COQ8A: variants seen among roughly 807,000 people sequenced by gnomAD.
COQ8A encodes coenzyme Q8A.
Under a neutral mutation model 65.0 loss-of-function variants are expected in COQ8A, and 51 were observed. The ratio of observed to expected loss-of-function variants is 0.78; its 90% confidence interval spans 0.63 to 0.99. The LOEUF (loss-of-function observed/expected upper bound fraction) is 0.99, where lower values mean the gene tolerates loss of function less well. Ranked by LOEUF, COQ8A falls within the 50% of genes least tolerant of loss-of-function variation. The pLI, the probability that COQ8A is intolerant of heterozygous loss-of-function variation, is 0.00. For missense variants in COQ8A, 940 were observed against 875.0 expected (o/e 1.07, Z -0.94); for synonymous variants, 371 against 353.2 (o/e 1.05, Z -0.57).
chr1:226,946,309 A>G lies in COQ8A; in HGVS notation c.-10+5910A>G, dbSNP rs1361416948. The stretch of plus-strand genomic sequence containing the variant: ...TGCCTATGGAGGGGTTTACCAGTCC[A>G]GCAGGGTGGCCAAGATTCCAGCAGG... On this transcript the variant is annotated intron_variant, in intron 1 of 14. Transcript: ENST00000366777. The surrounding 1 kb of genome is among the most constrained non-coding windows in gnomAD (Gnocchi z 5.3). Among the ~76,000 whole-genome samples the G allele has an allele frequency of 1.3e-5, 2 of 152,226 alleles. No individual in the cohort carries two copies. The highest frequency in any genetic ancestry group is 1.3e-4 in the Admixed American group (2 of 15,288).
At chr1:226,960,463 TTGG>T (rs1334339638) in intron 1 of COQ8A, among the ~76,000 whole-genome samples, 1,339 of 22,436 alleles carry the variant, frequency 0.06, 46 homozygotes, top group East Asian at 0.22. Flanking sequence ...GTGGCAGTAC[TTGG>T]TGGTGGTGGC....
At chr1:226,942,140 G>A (rs777200521) in intron 1 of COQ8A, among the ~76,000 whole-genome samples, 10 of 151,976 alleles carry the variant, frequency 6.6e-5, no homozygotes, top group Non-Finnish European at 1.5e-4. Context: ...CCCCTGGAGG[G>A]CAAAATCTCC....
At chr1:226,951,349 T>C (rs1657368119) in intron 1 of COQ8A, among the ~76,000 whole-genome samples, 1 of 152,168 alleles carries the variant, frequency 6.6e-6, no homozygotes, top group South Asian at 2.1e-4. Context: ...GCTGTGAGCC[T>C]CCTGAAGCGA....
chr1:226,970,130 T>C (rs535897277), intron 4 of COQ8A, among the ~76,000 whole-genome samples: 1 of 152,344 alleles, frequency 6.6e-6, no homozygotes, highest in East Asian at 1.9e-4. Context: ...TTTTTGTAGT[T>C]TTAGCGGAGA....
intron 1 of COQ8A, among the ~76,000 whole-genome samples, chr1:226,944,750 T>TGAGA (rs1395125342): frequency 4.1e-5 from 1 of 24,632 alleles, no homozygotes; most frequent in Non-Finnish European, 9.1e-5. Flanking sequence ...AGAGAGAGAG[T>TGAGA]GAGAGAGAGA....
chr1:226,986,555 C>T lies in COQ8A; in HGVS notation c.1762C>T (p.His588Tyr), dbSNP rs1392508310. 6.2e-7 allele frequency: 1 copy of T among 1,614,092 alleles called. No individual in the cohort carries two copies. The highest frequency in any genetic ancestry group is 1.1e-5 in the South Asian group (1 of 91,076). ...CACTCAGAGCACCACCGAGAAGATC[C>T]ACAACCTGATTCCCGTCATGCTGAG... is the stretch of plus-strand genomic sequence containing the variant. ...FGTQSTTEKI[H>Y]NLIPVMLRHR... Residue 588 changes from histidine (H) to tyrosine (Y), a missense_variant, in exon 15 of 15, where the codon CAC becomes TAC. Physicochemically the swap from His to Tyr is moderately conservative, Grantham distance 83. Coordinates refer to ENST00000366777, the MANE Select transcript of COQ8A (RefSeq NM_020247.5).
chr1:226,975,669 TAG>T (rs1055626555), intron 4 of COQ8A, among the ~76,000 whole-genome samples: 7 of 152,168 alleles, frequency 4.6e-5, no homozygotes, highest in Admixed American at 3.9e-4. Context: ...CCTTTTTGAA[TAG>T]AGTCACGAGA....
At chr1:226,961,915 A>T (rs573061483) in intron 2 of COQ8A, among the ~76,000 whole-genome samples, 23 of 152,302 alleles carry the variant, frequency 1.5e-4, no homozygotes, top group African/African-American at 5.3e-4. Flanking sequence ...ATGGGGCAGG[A>T]GGAGGGCAAG....
intron 1 of COQ8A, among the ~76,000 whole-genome samples, chr1:226,954,017 G>T (rs772518598): frequency 1.3e-5 from 2 of 152,226 alleles, no homozygotes; most frequent in Non-Finnish European, 2.9e-5. Context: ...ACACAGGCTA[G>T]AAATTGAGAA....
At position 226,984,184 on chromosome 1, in the gene COQ8A, T is replaced by G. The variant is rs981369403; in HGVS notation, c.1347T>G (p.Ser449=). 2 of 1,613,850 alleles carry G rather than the reference T, an allele frequency of 1.2e-6. No individual in the cohort carries two copies. Among genetic ancestry groups the G allele is most frequent in the Non-Finnish European group, 1.7e-6 (2 of 1,180,000 alleles). ...SPHVLTTELV[S]GFPLDQAEGL... is the part of the protein sequence containing the mutation. ...ATGTGCTGACCACAGAGCTGGTGTC[T>G]GGCTTCCCCCTGGACCAGGCCGAAG... Residue 449 remains serine, a synonymous_variant, in exon 11 of 15, where the codon TCT becomes TCG. Transcript: ENST00000366777.
intron 4 of COQ8A, among the ~76,000 whole-genome samples, chr1:226,968,445 A>T (rs921588717): frequency 3.9e-5 from 6 of 152,254 alleles, no homozygotes; most frequent in African/African-American, 1.2e-4. Flanking sequence ...AGAGACATAC[A>T]TACTATTTAA....
intron 1 of COQ8A, among the ~76,000 whole-genome samples, chr1:226,945,621 G>T (rs999947291): frequency 6.6e-6 from 1 of 152,200 alleles, no homozygotes; most frequent in African/African-American, 2.4e-5. Context: ...GGTGTTTACA[G>T]CCAGCATGTG....
At chr1:226,954,420 A>G (rs1283296544) in intron 1 of COQ8A, among the ~76,000 whole-genome samples, 2 of 152,218 alleles carry the variant, frequency 1.3e-5, no homozygotes, top group African/African-American at 4.8e-5. Flanking sequence ...TTCTCAAAGT[A>G]AGTTCCTGGG....
chr1:226,965,554 G>T (rs1447981485), intron 3 of COQ8A, 117 bp from the exon 4 acceptor site: 1 of 1,500,084 alleles, frequency 6.7e-7, no homozygotes, highest in African/African-American at 1.4e-5. Flanking sequence ...GGAGTGTGCT[G>T]TCAGGCGGAG....
chr1:226,958,585 A>G (rs1657954871), intron 1 of COQ8A, among the ~76,000 whole-genome samples: 1 of 152,214 alleles, frequency 6.6e-6, no homozygotes, highest in Non-Finnish European at 1.5e-5. Context: ...GAACTAGCCC[A>G]GAGCCCTGGG....
chr1:226,952,001 C>T (rs1226023971), intron 1 of COQ8A, among the ~76,000 whole-genome samples: 1 of 152,212 alleles, frequency 6.6e-6, no homozygotes, highest in Non-Finnish European at 1.5e-5. Context: ...GTCACTGCAC[C>T]TACTACCCAG....
At chr1:226,961,951 A>C (rs1363162089) in intron 2 of COQ8A, among the ~76,000 whole-genome samples, 1 of 152,138 alleles carries the variant, frequency 6.6e-6, no homozygotes, top group Non-Finnish European at 1.5e-5. Context: ...CTGTGTTATG[A>C]GGGCACCAAT....
rs147334656 is a variant in COQ8A, at chr1:226,963,802, G to T, written c.178-1198G>T. Among the ~76,000 whole-genome samples the T allele has an allele frequency of 2.5e-3, 375 of 151,376 alleles. 8 individuals are homozygous for T. In the East Asian group the frequency reaches 0.046, roughly 19 times the overall value. On this transcript the variant is annotated intron_variant, in intron 2 of 14. Coordinates refer to ENST00000366777, the MANE Select transcript of COQ8A (RefSeq NM_020247.5). Reference sequence around the variant, plus strand: ...GTATTTTTAGTAGAGATGGGGTTTCGCCATGTTGGCCAGGCTGGTCTCGAA... The same window carrying T: ...GTATTTTTAGTAGAGATGGGGTTTCTCCATGTTGGCCAGGCTGGTCTCGAA...
At chr1:226,964,819 A>G (rs1215030486) in intron 2 of COQ8A, among the ~76,000 whole-genome samples, 181 bp from the exon 3 acceptor site, 1 of 152,174 alleles carries the variant, frequency 6.6e-6, no homozygotes, top group African/African-American at 2.4e-5. Flanking sequence ...GCAGGGCTGG[A>G]GCCCAGGTCC....
Sources: gnomAD v4.1 joint callset for allele counts (sites outside exome capture counted in the v4.1 genomes callset) on GRCh38, gnomAD v4.1.1 for gene constraint, Gnocchi (gnomAD v3.1) non-coding constraint, MANE v1.5 for transcripts, NCBI Gene and HGNC (gene_info 2026-07-23, HGNC 2026-07-21) for gene names.